Variants in PDE1A observed in about 807,000 individuals in gnomAD.
PDE1A encodes dual specificity calcium/calmodulin-dependent 3',5'-cyclic nucleotide phosphodiesterase 1A.
Under a neutral mutation model 61.7 loss-of-function variants are expected in PDE1A, and 35 were observed. The observed-to-expected ratio is 0.57, with a 90% CI of 0.43 to 0.75. The LOEUF (loss-of-function observed/expected upper bound fraction) is 0.75, where lower values mean the gene tolerates loss of function less well. Ranked by LOEUF, PDE1A falls within the 30% of genes least tolerant of loss-of-function variation. The pLI, the probability that PDE1A is intolerant of heterozygous loss-of-function variation, is 0.00. For synonymous variants in PDE1A, 232 were observed against 213.2 expected, an observed-to-expected ratio of 1.09 and a Z score of -0.77; for missense variants, 597 against 630.6, an observed-to-expected ratio of 0.95 and a Z score of 0.57.
At chr2:182,622,737 T>C in the PDE1A span, among the ~76,000 whole-genome samples, 1 of 152,124 alleles carries the variant, frequency 6.6e-6, no homozygotes, top group Non-Finnish European at 1.5e-5. Flanking sequence ...GATTTGATAG[T>C]AGCCAAGACT....
chr2:182,145,644 G>C (rs1282678149), downstream of PDE1A, among the ~76,000 whole-genome samples: 1 of 152,106 alleles, frequency 6.6e-6, no homozygotes, highest in Non-Finnish European at 1.5e-5. Context: ...CAGGAGGATT[G>C]CTTGAACCTG....
intron 1 of PDE1A, among the ~76,000 whole-genome samples, chr2:182,295,914 C>T (rs1232866063): frequency 6.6e-6 from 1 of 151,880 alleles, no homozygotes; most frequent in African/African-American, 2.4e-5. Flanking sequence ...AGAAAGAAGT[C>T]CACCATAGTC....
chr2:182,386,563 G>A (rs1411547026), intron 1 of PDE1A, among the ~76,000 whole-genome samples: 11 of 150,176 alleles, frequency 7.3e-5, no homozygotes, highest in South Asian at 2.1e-4. Flanking sequence ...GAGCCCCTCC[G>A]CCCAGCAGCC....
the PDE1A span, among the ~76,000 whole-genome samples, chr2:182,580,771 A>T: frequency 1.3e-5 from 2 of 152,134 alleles, no homozygotes. Context: ...CTTCCTTTTA[A>T]CAGCATTTGT....
intron 10 of PDE1A, among the ~76,000 whole-genome samples, chr2:182,190,682 G>T (rs140862576): frequency 2.0e-5 from 3 of 152,220 alleles, no homozygotes; most frequent in East Asian, 3.9e-4. Flanking sequence ...TTTAGGTCAG[G>T]CACGGTGGCT....
In PDE1A at chr2:182,228,603, T is replaced by A. The variant is rs1304466050; in HGVS notation, c.675+1403A>T. Among the ~76,000 whole-genome samples the A allele has an allele frequency of 2.6e-5, 4 of 152,188 alleles. No individual in the cohort carries two copies. The East Asian group carries it at 7.7e-4, about 29-fold the overall frequency. On this transcript the variant is annotated intron_variant, in intron 6 of 13. Transcript: ENST00000351439. ...ATAGTCACCTATCACTACTTTTTAA[T>A]GTAGAGAAAACTTGTTAAAATAACT...
chr2:182,579,583 A>G, the PDE1A span, among the ~76,000 whole-genome samples: 1 of 152,314 alleles, frequency 6.6e-6, no homozygotes, highest in South Asian at 2.1e-4. Flanking sequence ...AGCAGCTTGA[A>G]GATCAGCCAA....
chr2:182,671,290 GC>G, the PDE1A span, among the ~76,000 whole-genome samples: 3 of 88,308 alleles, frequency 3.4e-5, no homozygotes, highest in Admixed American at 3.0e-4. Flanking sequence ...TCCTGCCTCA[GC>G]CTCCCGAGTA....
chr2:182,331,319 G>A (rs997436992), intron 1 of PDE1A, among the ~76,000 whole-genome samples: 1 of 152,190 alleles, frequency 6.6e-6, no homozygotes, highest in African/African-American at 2.4e-5. Flanking sequence ...GCCAGTCTGT[G>A]TCTTTTAATT....
At chr2:182,269,381 A>T (rs1692855191) in intron 1 of PDE1A, among the ~76,000 whole-genome samples, 1 of 151,888 alleles carries the variant, frequency 6.6e-6, no homozygotes, top group Non-Finnish European at 1.5e-5. Context: ...CCAGCTACTC[A>T]GGAGGCTGAG....
intron 13 of PDE1A, among the ~76,000 whole-genome samples, chr2:182,176,803 T>C (rs1692842493): frequency 6.6e-6 from 1 of 151,062 alleles, no homozygotes; most frequent in Admixed American, 6.6e-5. Context: ...GCCCATTCAG[T>C]GTGATATTGG....
chr2:182,509,262 T>C (rs1449942024), intron 2 of PDE1A, among the ~76,000 whole-genome samples: 1 of 152,196 alleles, frequency 6.6e-6, no homozygotes, highest in African/African-American at 2.4e-5. Flanking sequence ...GCTAGAATCA[T>C]TGTTTAAATA....
the PDE1A span, among the ~76,000 whole-genome samples, chr2:182,577,790 C>T: frequency 2.6e-5 from 4 of 152,026 alleles, no homozygotes; most frequent in African/African-American, 7.2e-5. Flanking sequence ...TGTGGTGGCC[C>T]GTGCCTGTAA....
At chr2:182,531,710 T>C in the PDE1A span, among the ~76,000 whole-genome samples, 3 of 152,208 alleles carry the variant, frequency 2.0e-5, no homozygotes, top group Non-Finnish European at 4.4e-5. Context: ...TTTGTGGGTT[T>C]TTTAATATAC....
At chr2:182,689,410 C>A in the PDE1A span, among the ~76,000 whole-genome samples, 103,459 of 151,980 alleles carry the variant, frequency 0.68, 35,787 homozygotes, top group African/African-American at 0.78. Context: ...AAACTGAACA[C>A]CCTGTTCCTG....
chr2:182,560,954 T>C, the PDE1A span, among the ~76,000 whole-genome samples: 1 of 151,896 alleles, frequency 6.6e-6, no homozygotes, highest in Non-Finnish European at 1.5e-5. Context: ...TTCTGGATAT[T>C]AGCCCTTGGT....
the PDE1A span, among the ~76,000 whole-genome samples, chr2:182,612,656 ATTTTTC>A: frequency 5.9e-5 from 9 of 152,176 alleles, no homozygotes; most frequent in Non-Finnish European, 1.2e-4. Context: ...ACTATACACT[ATTTTTC>A]TTTTTCATTG....
intron 1 of PDE1A, among the ~76,000 whole-genome samples, chr2:182,311,991 C>T (rs922419524): frequency 6.6e-6 from 1 of 152,130 alleles, no homozygotes; most frequent in East Asian, 1.9e-4. Context: ...GTAGTGGTAT[C>T]TCACTGCAGT....
At chr2:182,199,761 T>C (rs1482321350) in intron 10 of PDE1A, among the ~76,000 whole-genome samples, 2 of 152,118 alleles carry the variant, frequency 1.3e-5, no homozygotes, top group African/African-American at 4.8e-5. Context: ...TTCAATACTA[T>C]TTTTAGGACC....
Sources: allele counts gnomAD v4.1 joint callset (sites outside exome capture counted in the v4.1 genomes callset), GRCh38; gene constraint gnomAD v4.1.1; transcripts MANE v1.5; gene names NCBI Gene and HGNC (gene_info 2026-07-23, HGNC 2026-07-21).